The following DIAPH2 variants were observed in gnomAD, a reference collection of about 807,000 sequenced individuals.
DIAPH2 encodes diaphanous related formin 2.
Under a neutral mutation model 92.7 loss-of-function variants are expected in DIAPH2, and 35 were observed. That is an observed-to-expected ratio of 0.38 (90% CI 0.29 to 0.50). The LOEUF is 0.50. Among genes scored for constraint, DIAPH2 ranks in the 20% least tolerant of loss-of-function variants. The pLI is 0.94. For missense variants in DIAPH2, 701 were observed against 819.5 expected (o/e 0.86, Z 1.77); for synonymous variants, 301 against 280.4 (o/e 1.07, Z -0.73).
At chrX:97,125,201 G>A (rs949142974) in intron 21 of DIAPH2, among the ~76,000 whole-genome samples, 3 of 111,247 alleles carry the variant, frequency 2.7e-5, no homozygotes, top group Non-Finnish European at 3.8e-5. Context: ...CTGGCCGGGC[G>A]CGGTGGCTCA....
chrX:96,758,355 C>T, intron 4 of DIAPH2, 97 bp downstream of exon 4: 1 of 639,143 alleles, frequency 1.6e-6, no homozygotes, highest in Admixed American at 3.5e-5. Context: ...CAGATTACCT[C>T]ATTGTACTCA....
At chrX:96,920,179 A>G (rs184807882) in intron 9 of DIAPH2, among the ~76,000 whole-genome samples, 99 of 111,367 alleles carry the variant, frequency 8.9e-4, no homozygotes, top group Non-Finnish European at 1.4e-3. Flanking sequence ...AAAGATTAGT[A>G]TATTTTTTCC....
intron 26 of DIAPH2, among the ~76,000 whole-genome samples, chrX:97,569,009 C>T (rs758057619): frequency 8.9e-6 from 1 of 112,049 alleles, no homozygotes; most frequent in Non-Finnish European, 1.9e-5. Flanking sequence ...TAATTGGAAA[C>T]AGAGACTTTA....
chrX:96,723,841 C>G (rs1360021009), intron 1 of DIAPH2, among the ~76,000 whole-genome samples: 1 of 109,858 alleles, frequency 9.1e-6, no homozygotes, highest in African/African-American at 3.3e-5. Flanking sequence ...TTGTAAAAAA[C>G]TTGGCTATGA....
At chrX:97,313,717 C>T (rs1272831925) in intron 23 of DIAPH2, among the ~76,000 whole-genome samples, 1 of 110,556 alleles carries the variant, frequency 9.0e-6, no homozygotes, top group Non-Finnish European at 1.9e-5. Flanking sequence ...CGGCTCACTG[C>T]AACATCCACC....
At chrX:96,769,734 C>T (rs1278036083) in intron 4 of DIAPH2, among the ~76,000 whole-genome samples, 1 of 111,712 alleles carries the variant, frequency 9.0e-6, no homozygotes, top group Non-Finnish European at 1.9e-5. Flanking sequence ...TAGTGAAGGT[C>T]AGATACAAAT....
intron 22 of DIAPH2, among the ~76,000 whole-genome samples, chrX:97,181,401 G>A (rs984791466): frequency 1.8e-5 from 2 of 110,225 alleles, no homozygotes; most frequent in African/African-American, 3.3e-5. Context: ...TATATGTGTT[G>A]TTGTTGTTGT....
chrX:96,755,536 C>T (rs1455967312), intron 3 of DIAPH2, among the ~76,000 whole-genome samples: 1 of 110,303 alleles, frequency 9.1e-6, no homozygotes, highest in Non-Finnish European at 1.9e-5. Flanking sequence ...GCCTGTAGTC[C>T]CAGCTACTCG....
At chrX:97,019,920 A>T (rs1400730531) in intron 17 of DIAPH2, among the ~76,000 whole-genome samples, 1 of 112,539 alleles carries the variant, frequency 8.9e-6, no homozygotes, top group Non-Finnish European at 1.9e-5. Flanking sequence ...TCATTATGTG[A>T]AACAGATCCT....
rs1556025449 is a variant in DIAPH2, at chrX:97,320,108, A to AAAT, written c.2845-28007_2845-28006insATA. Reference sequence around the variant, plus strand: ...GAGTGAGACTCTGTCTCAAAAAAAAAATATATATATATATAATTGATAATA... The same window carrying AAAT: ...GAGTGAGACTCTGTCTCAAAAAAAAAAATATATATATATATATAATTGATAATA... On this transcript the variant is annotated intron_variant, in intron 23 of 26. Coordinates refer to ENST00000324765, the MANE Select transcript of DIAPH2 (RefSeq NM_006729.5). 4.2e-3 allele frequency among the ~76,000 whole-genome samples: 438 copies of AAAT among 104,984 alleles called. 5 individuals carry two copies. Among genetic ancestry groups the AAAT allele is most frequent in the African/African-American group, 0.014 (417 of 28,983 alleles). The allele number at this position is 104,984 out of a possible 115,157, so 91.2% of individuals were successfully genotyped here.
chrX:97,386,706 C>T (rs147745106), intron 25 of DIAPH2, among the ~76,000 whole-genome samples: 1,587 of 108,716 alleles, frequency 0.015, 25 homozygotes, highest in African/African-American at 0.049. Context: ...AAGTTAGCTC[C>T]TTTATGTGCA....
chrX:97,408,853 T>A lies in DIAPH2; in HGVS notation c.3146-20797T>A, dbSNP rs193179378. 1.1e-4 allele frequency among the ~76,000 whole-genome samples: 12 copies of A among 112,170 alleles called. No individual in the cohort carries two copies. The East Asian group carries it at 3.1e-3, about 29-fold the overall frequency. Reference sequence around the variant, plus strand: ...TATAGGTGTGAACACTCAAGGTATGTACAAAATGATAAAGACAAGTAGCCT... The same window carrying A: ...TATAGGTGTGAACACTCAAGGTATGAACAAAATGATAAAGACAAGTAGCCT... On this transcript the variant is annotated intron_variant, in intron 25 of 26. Transcript: ENST00000324765.
At chrX:97,506,310 C>G (rs552769161) in intron 26 of DIAPH2, among the ~76,000 whole-genome samples, 7 of 107,861 alleles carry the variant, frequency 6.5e-5, no homozygotes, top group Admixed American at 1.0e-4. Context: ...CCATGAAGCC[C>G]GGCTAATTTT....
chrX:97,348,086 G>A lies in DIAPH2; in HGVS notation c.2845-30G>A, dbSNP rs779095820. The A allele has an allele frequency of 5.8e-6, 7 of 1,199,924 alleles. No homozygotes were observed. In the East Asian group the frequency reaches 2.1e-4, roughly 36 times the overall value. On this transcript the variant is annotated intron_variant, in intron 23 of 26. Coordinates refer to ENST00000324765, the MANE Select transcript of DIAPH2 (RefSeq NM_006729.5). ...TGATTGATTGCCTTTAAAAGGTACT[G>A]TTGAGCCATGTTCCTTAACAAAAAG...
At chrX:97,070,278 TA>T (rs1489414761) in intron 17 of DIAPH2, among the ~76,000 whole-genome samples, 1 of 111,532 alleles carries the variant, frequency 9.0e-6, no homozygotes, top group Non-Finnish European at 1.9e-5. Context: ...CAATTGATGA[TA>T]AAATCAATTC....
At chrX:97,483,428 A>G (rs1346083476) in intron 26 of DIAPH2, among the ~76,000 whole-genome samples, 1 of 111,365 alleles carries the variant, frequency 9.0e-6, no homozygotes, top group Non-Finnish European at 1.9e-5. Context: ...AGTTTTTTAA[A>G]GTACTGAATT....
intron 22 of DIAPH2, among the ~76,000 whole-genome samples, chrX:97,211,223 C>T (rs778136593): frequency 9.0e-6 from 1 of 111,384 alleles, no homozygotes; most frequent in East Asian, 2.8e-4. Flanking sequence ...TGAAAAGAAA[C>T]ATTTTCTTCT....
At chrX:97,576,686 A>T (rs1427590379) in intron 26 of DIAPH2, among the ~76,000 whole-genome samples, 1 of 111,332 alleles carries the variant, frequency 9.0e-6, no homozygotes, top group Non-Finnish European at 1.9e-5. Context: ...ATTTCACTCT[A>T]CTTGTTACTA....
intron 23 of DIAPH2, among the ~76,000 whole-genome samples, chrX:97,302,903 G>A (rs1277385626): frequency 9.0e-6 from 1 of 111,711 alleles, no homozygotes; most frequent in Admixed American, 9.5e-5. Context: ...AGAATCGCTT[G>A]AACCCAGGAG....
Sources: allele counts gnomAD v4.1 joint callset (sites outside exome capture counted in the v4.1 genomes callset), GRCh38; gene constraint gnomAD v4.1.1; transcripts MANE v1.5; gene names NCBI Gene and HGNC (gene_info 2026-07-23, HGNC 2026-07-21).